Variants in GEMIN5 observed in about 807,000 individuals in gnomAD.
GEMIN5 encodes the protein gem nuclear organelle associated protein 5.
A neutral mutation model predicts 176.9 loss-of-function variants in GEMIN5; 124 were observed. That is an observed-to-expected ratio of 0.70 (90% CI 0.61 to 0.81). The LOEUF (loss-of-function observed/expected upper bound fraction) is 0.81. Ranked by LOEUF, GEMIN5 falls within the 40% of genes least tolerant of loss-of-function variation. GEMIN5 has a pLI of 0.00. For synonymous variants in GEMIN5, 673 were observed against 665.2 expected (o/e 1.01, Z -0.18); for missense variants, 1,843 against 1,814.6 (o/e 1.02, Z -0.28).
At position 154,907,593 on chromosome 5, in the gene GEMIN5, G is replaced by A. The variant is rs1561716242; in HGVS notation, c.2393C>T (p.Ala798Val). ...ATACACAGGATTCTGCCACATACCC[G>A]CTGGAGCAAGGCCACAGGGTAATTC... ...EPELPCGLAP[A>V]VSREPVICTP... Residue 798 changes from alanine to valine, a missense_variant and splice_region_variant, in exon 16 of 28, where the codon GCG becomes GTG. Coordinates refer to ENST00000285873, the MANE Select transcript of GEMIN5 (RefSeq NM_015465.5). 8 of 1,610,082 alleles carry A rather than the reference G, an allele frequency of 5.0e-6. No homozygotes were observed. Among genetic ancestry groups the A allele is most frequent in the East Asian group, 2.2e-5 (1 of 44,842 alleles).
chr5:154,910,237 A>T (rs932648863), intron 15 of GEMIN5, among the ~76,000 whole-genome samples: 2 of 151,988 alleles, frequency 1.3e-5, no homozygotes, highest in South Asian at 2.1e-4. Context: ...TTCTTTTACA[A>T]GTCTTTATGT....
At chr5:154,927,085 G>T (rs1764056342) in intron 7 of GEMIN5, among the ~76,000 whole-genome samples, 2 of 151,614 alleles carry the variant, frequency 1.3e-5, no homozygotes, top group Non-Finnish European at 2.9e-5. Context: ...AACAACAGCT[G>T]ATGAACTTAA....
chr5:154,907,759 T>G lies in GEMIN5; in HGVS notation c.2227A>C (p.Lys743Gln). The G allele has an allele frequency of 6.2e-7, 1 of 1,614,202 alleles. No individual in the cohort carries two copies. The highest frequency in any genetic ancestry group is 8.5e-7 in the Non-Finnish European group (1 of 1,180,028). The change falls in exon 16 of 28, where the codon AAG becomes CAG. Residue 743 changes from lysine (K) to glutamine (Q), a missense_variant. Lys to Gln is a moderately conservative substitution (Grantham distance 53). Transcript: ENST00000285873. ...GTTCTCAAGGTGGGCTTTTTCTTCT[T>G]TTTGGGCTTTGCCTTAGGTTGAGAG... ...RLSQPKAKPK[K>Q]KKKPTLRTPV...
chr5:154,924,764 C>T (rs977532628), intron 8 of GEMIN5, among the ~76,000 whole-genome samples: 12 of 151,796 alleles, frequency 7.9e-5, no homozygotes, highest in African/African-American at 1.5e-4. Context: ...CAGAGGCGGG[C>T]GGATCACGAG....
intron 22 of GEMIN5, among the ~76,000 whole-genome samples, chr5:154,898,969 T>C (rs1050597689): frequency 3.9e-5 from 6 of 152,228 alleles, no homozygotes; most frequent in African/African-American, 1.2e-4. Context: ...AATTTCTTAA[T>C]CTGCTGCTGA....
chr5:154,917,846 C>T (rs1763843547), intron 12 of GEMIN5, 85 bp downstream of exon 12: 2 of 896,112 alleles, frequency 2.2e-6, no homozygotes, highest in Non-Finnish European at 3.8e-6. Flanking sequence ...GCCGCCCCAG[C>T]TAACATTACA....
At chr5:154,893,055 C>A (rs934468164) in intron 24 of GEMIN5, among the ~76,000 whole-genome samples, 2 of 151,708 alleles carry the variant, frequency 1.3e-5, no homozygotes, top group South Asian at 2.1e-4. Context: ...TGAGATTGCG[C>A]CACTGCACTC....
intron 23 of GEMIN5, among the ~76,000 whole-genome samples, chr5:154,897,852 T>C (rs1763382106): frequency 1.3e-5 from 2 of 151,324 alleles, no homozygotes; most frequent in Admixed American, 1.3e-4. Flanking sequence ...GCTGATAACA[T>C]CAATGAAGAA....
At chr5:154,915,170 C>T (rs1763785975) in intron 13 of GEMIN5, among the ~76,000 whole-genome samples, 1 of 152,174 alleles carries the variant, frequency 6.6e-6, no homozygotes, top group Non-Finnish European at 1.5e-5. Flanking sequence ...TAGGAAAACA[C>T]ATCTACATTT....
At chr5:154,896,637 C>T (rs1284192337) in intron 23 of GEMIN5, among the ~76,000 whole-genome samples, 1 of 152,192 alleles carries the variant, frequency 6.6e-6, no homozygotes, top group South Asian at 2.1e-4. Context: ...CACACACAGA[C>T]CAGCCACTTA....
intron 17 of GEMIN5, among the ~76,000 whole-genome samples, chr5:154,904,968 G>A (rs1279928990): frequency 1.1e-4 from 17 of 152,308 alleles, no homozygotes; most frequent in African/African-American, 2.9e-4. Flanking sequence ...TGAGGCGGGC[G>A]GATCACTGGA....
chr5:154,908,227 C>T (rs989644022), intron 15 of GEMIN5, among the ~76,000 whole-genome samples: 4 of 138,040 alleles, frequency 2.9e-5, no homozygotes, highest in Non-Finnish European at 4.5e-5. Context: ...CTTGCCCCGG[C>T]GGGAGTGCAA....
At chr5:154,935,760 A>G (rs1764254599) in intron 3 of GEMIN5, 81 bp downstream of exon 3, 1 of 977,048 alleles carries the variant, frequency 1.0e-6, no homozygotes, top group African/African-American at 1.6e-5. Context: ...TTGAGGAATA[A>G]AAGGACAGAG....
rs1173625543 is a variant in GEMIN5 at position 154,887,901 on chromosome 5, T to C, written c.*309A>G. 3.2e-6 allele frequency: 1 copy of C among 312,836 alleles called. No homozygotes were observed. Among genetic ancestry groups the C allele is most frequent in the Non-Finnish European group, 5.9e-6 (1 of 168,756 alleles). 19.4% of individuals were successfully genotyped at this position (312,836 alleles called of 1,614,324 possible). A position where few individuals can be genotyped will look rare whatever the true frequency, so the allele number is the denominator to read the frequency against. On this transcript the variant is annotated 3_prime_UTR_variant, in exon 28 of 28. Coordinates refer to ENST00000285873, the MANE Select transcript of GEMIN5 (RefSeq NM_015465.5). ...AACACTTTGGGTGACGACAGAAGTT[T>C]CTCCTCTTTGGGTGAAACCTGCCTA...
chr5:154,908,350 T>G (rs995240436), intron 15 of GEMIN5, among the ~76,000 whole-genome samples: 2 of 151,990 alleles, frequency 1.3e-5, no homozygotes, highest in Non-Finnish European at 2.9e-5. Context: ...CCAGCTAATT[T>G]TTGTATTTTC....
chr5:154,892,955 G>A (rs1006274836), intron 24 of GEMIN5, among the ~76,000 whole-genome samples: 2 of 152,104 alleles, frequency 1.3e-5, no homozygotes, highest in African/African-American at 4.8e-5. Context: ...AAATTAGCCA[G>A]GCATGATGGC....
chr5:154,901,728 GCA>G (rs1217355179), intron 20 of GEMIN5, among the ~76,000 whole-genome samples: 3 of 151,132 alleles, frequency 2.0e-5, no homozygotes, highest in African/African-American at 7.3e-5. Flanking sequence ...GAATGTGTGA[GCA>G]CAGTTAAATT....
chr5:154,911,697 G>T (rs1232205458), intron 15 of GEMIN5, 30 bp downstream of exon 15: 6 of 1,577,468 alleles, frequency 3.8e-6, no homozygotes, highest in Admixed American at 1.7e-5. Context: ...GGGAGAAAAA[G>T]AATTAGATAA....
intron 11 of GEMIN5, 81 bp from the exon 12 acceptor site, chr5:154,918,085 A>G (rs1582667263): frequency 1.2e-6 from 1 of 854,314 alleles, no homozygotes; most frequent in South Asian, 1.4e-5. Context: ...AAAAATCCCT[A>G]GAGTTTAAAA....
Sources: gnomAD v4.1 joint callset for allele counts (sites outside exome capture counted in the v4.1 genomes callset) on GRCh38, gnomAD v4.1.1 for gene constraint, MANE v1.5 for transcripts, NCBI Gene and HGNC (gene_info 2026-07-23, HGNC 2026-07-21) for gene names.